The following MTA3 variants were observed in gnomAD, a reference collection of about 807,000 sequenced individuals.
MTA3 encodes metastasis associated 1 family member 3.
MTA3 carries 34 observed loss-of-function variants against 83.5 expected under a neutral mutation model. The ratio of observed to expected loss-of-function variants is 0.41; its 90% CI spans 0.31 to 0.54. MTA3 has a LOEUF of 0.54. Ranked by LOEUF, MTA3 falls within the 20% of genes least tolerant of loss-of-function variation. MTA3 has a pLI of 0.33. For missense variants in MTA3, 761 were observed against 726.4 expected (o/e 1.05, Z -0.55); for synonymous variants, 303 against 252.7 (o/e 1.20, Z -1.89).
chr2:42,713,629 A>G (rs1474048065), intron 14 of MTA3, among the ~76,000 whole-genome samples: 2 of 147,586 alleles, frequency 1.4e-5, no homozygotes, highest in South Asian at 2.2e-4. Flanking sequence ...TATCCAAAAA[A>G]TATTCTGTGC....
intron 2 of MTA3, among the ~76,000 whole-genome samples, chr2:42,552,976 A>G (rs1677187793): frequency 6.6e-6 from 1 of 151,390 alleles, no homozygotes; most frequent in South Asian, 2.1e-4. Context: ...AAAAAAAATC[A>G]AAGAAAGTTC....
intron 6 of MTA3, among the ~76,000 whole-genome samples, chr2:42,654,241 T>TA (rs1688958581): frequency 6.6e-6 from 1 of 152,176 alleles, no homozygotes; most frequent in Non-Finnish European, 1.5e-5. Flanking sequence ...TGGCCTGACT[T>TA]AAGAGGCTGC....
chr2:42,582,378 A>C (rs959369745), intron 3 of MTA3, among the ~76,000 whole-genome samples: 1 of 152,182 alleles, frequency 6.6e-6, no homozygotes, highest in African/African-American at 2.4e-5. Context: ...TACCTTTTTT[A>C]AGTTTATGTT....
intron 6 of MTA3, among the ~76,000 whole-genome samples, chr2:42,652,126 A>G (rs1324075260): frequency 1.3e-5 from 2 of 152,116 alleles, no homozygotes; most frequent in African/African-American, 4.8e-5. Context: ...TTAGTGACAC[A>G]GGTTACAGGA....
chr2:42,727,622 C>T (rs527703380), intron 16 of MTA3, among the ~76,000 whole-genome samples: 1 of 152,148 alleles, frequency 6.6e-6, no homozygotes, highest in Admixed American at 6.5e-5. Flanking sequence ...AAAGGGGTAT[C>T]TGAGTGTTTG....
chr2:42,740,516 T>C (rs1000564667), intron 16 of MTA3, among the ~76,000 whole-genome samples: 1 of 152,358 alleles, frequency 6.6e-6, no homozygotes, highest in Non-Finnish European at 1.5e-5. Flanking sequence ...AATGAATGAA[T>C]GAATGAATCA....
rs1666352044 is a variant in MTA3, at chr2:42,708,893, A to C, written c.1322A>C (p.His441Pro). The change falls in exon 14 of 17, where the codon CAC becomes CCC. Residue 441 changes from histidine to proline, a missense_variant. Transcript: ENST00000405094. ...PTTEDPRVRS[H>P]VSRQAMQGMP... ...TTGCAGGACCCTCGTGTTAGAAGTC[A>C]CGTGTCCCGCCAGGCCATGCAGGGA... is the stretch of plus-strand genomic sequence containing the variant. 6.2e-7 allele frequency: 1 copy of C among 1,614,014 alleles called. No individual in the cohort carries two copies. Among genetic ancestry groups the C allele is most frequent in the Admixed American group, 1.7e-5 (1 of 60,026 alleles).
chr2:42,581,345 C>T (rs1354944374), intron 3 of MTA3, among the ~76,000 whole-genome samples: 5 of 149,886 alleles, frequency 3.3e-5, no homozygotes, highest in Admixed American at 6.7e-5. Context: ...AGTCACCATG[C>T]CTGGTCCCAA....
chr2:42,637,615 C>G (rs1263392351), intron 4 of MTA3, among the ~76,000 whole-genome samples: 1 of 152,032 alleles, frequency 6.6e-6, no homozygotes, highest in Non-Finnish European at 1.5e-5. Flanking sequence ...CTGACTCAAC[C>G]TCTTAGCTGT....
At chr2:42,518,004 G>C (rs1241934263) in intron 2 of MTA3, among the ~76,000 whole-genome samples, 1 of 151,828 alleles carries the variant, frequency 6.6e-6, no homozygotes, top group Non-Finnish European at 1.5e-5. Flanking sequence ...TGACCAACAC[G>C]GTGAAACCCC....
chr2:42,508,811 A>T (rs1674761855), intron 2 of MTA3, among the ~76,000 whole-genome samples: 1 of 146,846 alleles, frequency 6.8e-6, no homozygotes, highest in Admixed American at 6.9e-5. Flanking sequence ...ATTGTAAATT[A>T]TATATGATAT....
chr2:42,593,951 GTTTTTT>G (rs60176061), intron 3 of MTA3, among the ~76,000 whole-genome samples: 45,515 of 140,132 alleles, frequency 0.32, 6,289 homozygotes, highest in South Asian at 0.41. Flanking sequence ...ATAGGATTAA[GTTTTTT>G]TTTTTTTTTT....
chr2:42,754,300 ACT>A lies in MTA3; in HGVS notation c.*904_*905del. On this transcript the variant is annotated 3_prime_UTR_variant, in exon 17 of 17. Transcript: ENST00000405094. Reference sequence around the variant, plus strand: ...ACCTAGTTTCATTTTAAGCAGACAGACTCTGTTTGGCCTAGAGGTGTGGAGTG... The same window carrying A: ...ACCTAGTTTCATTTTAAGCAGACAGACTGTTTGGCCTAGAGGTGTGGAGTG... 1 of 985,318 alleles carries A rather than the reference ACT, an allele frequency of 1.0e-6. No individual in the cohort carries two copies. The highest frequency in any genetic ancestry group is 1.2e-6 in the Non-Finnish European group (1 of 829,926). The allele number at this position is 985,318 out of a possible 1,614,324, so 61.0% of individuals were successfully genotyped here. A position where few individuals can be genotyped will look rare whatever the true frequency, so the allele number is the denominator to read the frequency against.
chr2:42,502,210 T>A (rs1465137363), intron 2 of MTA3, among the ~76,000 whole-genome samples: 1 of 152,048 alleles, frequency 6.6e-6, no homozygotes, highest in East Asian at 1.9e-4. Flanking sequence ...TGCAATTGAT[T>A]AAGGAGTTGA....
chr2:42,667,570 TTGTGTGTGTGTG>T (rs1553379043), intron 8 of MTA3, among the ~76,000 whole-genome samples: 9 of 145,118 alleles, frequency 6.2e-5, no homozygotes, highest in African/African-American at 1.8e-4. Context: ...CATTTAAAAA[TTGTGTGTGTGTG>T]TGTGTGTGTG....
In MTA3 at chr2:42,640,636, C is replaced by T. The variant is rs145808894; in HGVS notation, c.381+400C>T. 2.7e-3 allele frequency among the ~76,000 whole-genome samples: 407 copies of T among 152,166 alleles called. 2 individuals are homozygous for T. Among genetic ancestry groups the T allele is most frequent in the Middle Eastern group, 6.8e-3 (2 of 294 alleles). ...CAGATGAGATTTTACCTTTGGTGGT[C>T]TGCTTTCTGGAATCCTAATAAATTT... is the stretch of plus-strand genomic sequence containing the variant. On this transcript the variant is annotated intron_variant, in intron 5 of 16. Transcript: ENST00000405094.
At chr2:42,569,086 C>T (rs1031199036) in intron 1 of MTA3, among the ~76,000 whole-genome samples, 12 of 152,102 alleles carry the variant, frequency 7.9e-5, no homozygotes, top group Admixed American at 3.9e-4. Context: ...GGGTAGGGCC[C>T]GTCGAGCCCC....
intron 16 of MTA3, among the ~76,000 whole-genome samples, chr2:42,726,024 G>A (rs1314542267): frequency 6.6e-6 from 1 of 152,138 alleles, no homozygotes; most frequent in African/African-American, 2.4e-5. Context: ...TTTCCAAGAT[G>A]AACTCAAAGT....
At chr2:42,556,427 A>G (rs1459669097) in intron 2 of MTA3, among the ~76,000 whole-genome samples, 1 of 152,220 alleles carries the variant, frequency 6.6e-6, no homozygotes, top group Non-Finnish European at 1.5e-5. Flanking sequence ...TTTTGCCTCA[A>G]TTCCTCAGTC....
Sources: gnomAD v4.1 joint callset for allele counts (sites outside exome capture counted in the v4.1 genomes callset) on GRCh38, gnomAD v4.1.1 for gene constraint, MANE v1.5 for transcripts, NCBI Gene and HGNC (gene_info 2026-07-23, HGNC 2026-07-21) for gene names.